PUDP: variants seen among roughly 807,000 people sequenced by gnomAD.
PUDP encodes the protein pseudouridine 5'-phosphatase.
A neutral mutation model predicts 9.4 loss-of-function variants in PUDP; 8 were observed. The ratio of observed to expected loss-of-function variants is 0.85; its 90% CI spans 0.50 to 1.53. The LOEUF (loss-of-function observed/expected upper bound fraction) is 1.53, where lower values mean the gene tolerates loss of function less well. Ranked by LOEUF, PUDP falls within the 40% of genes most tolerant of loss-of-function variation. The pLI is 0.00. For synonymous variants in PUDP, 99 were observed against 80.7 expected, an observed-to-expected ratio of 1.23 and a Z score of -1.22; for missense variants, 188 against 189.7, an observed-to-expected ratio of 0.99 and a Z score of 0.05.
chrX:7,045,078 G>A (rs953062072), downstream of PUDP, among the ~76,000 whole-genome samples: 3 of 112,380 alleles, frequency 2.7e-5, no homozygotes, highest in Admixed American at 2.8e-4. Context: ...TTGGTGGGAG[G>A]TGACTGGATC....
At chrX:6,970,254 G>C (rs749673542) in intron 3 of PUDP, among the ~76,000 whole-genome samples, 31 of 112,438 alleles carry the variant, frequency 2.8e-4, no homozygotes, top group Admixed American at 6.6e-4. Flanking sequence ...AAATCGCTTT[G>C]TAAAATTTTT....
intron 3 of PUDP, among the ~76,000 whole-genome samples, chrX:6,864,964 T>C (rs1254925187): frequency 2.7e-5 from 3 of 111,751 alleles, no homozygotes; most frequent in Non-Finnish European, 5.6e-5. Context: ...AATTAAGATG[T>C]AGATGTTTGG....
chrX:6,989,108 T>C (rs1449451149), intron 1 of PUDP, among the ~76,000 whole-genome samples: 1 of 111,815 alleles, frequency 8.9e-6, no homozygotes, highest in African/African-American at 3.3e-5. Context: ...AAGATACATA[T>C]ACATGCATAT....
rs369908594 is a variant in PUDP at position 6,770,493 on chromosome X, G to GTTTTTGT, written c.*248-64034_*248-64028dup. ...GCCTTGGTTTTTTTGTTTGTTTTTTGTTTTTGTTTTTTGTTTTTTTATGGC... is the reference window on the plus strand; with the variant it reads ...GCCTTGGTTTTTTTGTTTGTTTTTTGTTTTTGTTTTTTGTTTTTTGTTTTTTTATGGC... On this transcript the variant is annotated intron_variant and NMD_transcript_variant, in intron 3 of 3. Coordinates refer to the PUDP transcript ENST00000655425. Among the ~76,000 whole-genome samples the GTTTTTGT allele has an allele frequency of 2.2e-3, 246 of 111,564 alleles. 1 individual carries two copies. Among genetic ancestry groups the GTTTTTGT allele is most frequent in the African/African-American group, 7.7e-3 (236 of 30,824 alleles).
In PUDP at chrX:6,902,073, C is replaced by T. The variant is rs772564429; in HGVS notation, c.*247+75060G>A. On this transcript the variant is annotated intron_variant and NMD_transcript_variant, in intron 3 of 3. Transcript: ENST00000655425. The stretch of plus-strand genomic sequence containing the variant: ...ATTTTTTTGTAAAGATGGCGGGGGG[C>T]GGGGGTCTCACTGTATTGCCCAGGC... Among the ~76,000 whole-genome samples the T allele has an allele frequency of 1.4e-4, 15 of 110,298 alleles. No individual in the cohort carries two copies. In the South Asian group the frequency reaches 4.7e-3, roughly 35 times the overall value.
intron 3 of PUDP, among the ~76,000 whole-genome samples, chrX:6,961,228 C>A (rs1928703577): frequency 1.8e-5 from 2 of 109,560 alleles, no homozygotes; most frequent in South Asian, 8.0e-4. Context: ...GGTGAAACCC[C>A]ATCTCTACAA....
chrX:7,117,003 C>T (rs1453134844), intron 1 of PUDP: 3 of 1,165,540 alleles, frequency 2.6e-6, no homozygotes, highest in African/African-American at 1.8e-5. Flanking sequence ...AGGACTCCCC[C>T]GAAGCAGCTG....
intron 1 of PUDP, among the ~76,000 whole-genome samples, chrX:6,985,165 C>T (rs935385609): frequency 2.7e-5 from 3 of 111,783 alleles, no homozygotes; most frequent in Admixed American, 9.5e-5. Flanking sequence ...AGGGAGAAGG[C>T]CTAGAAATTA....
intron 1 of PUDP, among the ~76,000 whole-genome samples, chrX:7,025,823 C>T: frequency 8.9e-6 from 1 of 112,471 alleles, no homozygotes; most frequent in African/African-American, 3.2e-5. Context: ...ACTATGTCAA[C>T]TTTGAACATT....
intron 3 of PUDP, among the ~76,000 whole-genome samples, chrX:6,956,561 T>C (rs1928631341): frequency 8.9e-6 from 1 of 111,744 alleles, no homozygotes; most frequent in African/African-American, 3.3e-5. Context: ...CTATCTGGGC[T>C]GGAGGTGGTG....
intron 3 of PUDP, among the ~76,000 whole-genome samples, chrX:6,777,406 A>G (rs1925483477): frequency 8.9e-6 from 1 of 111,842 alleles, no homozygotes; most frequent in South Asian, 3.7e-4. Context: ...GACTCCCCCA[A>G]TAGAAATATC....
intron 1 of PUDP, among the ~76,000 whole-genome samples, chrX:7,115,200 G>C (rs1455221165): frequency 8.9e-6 from 1 of 112,276 alleles, no homozygotes; most frequent in Non-Finnish European, 1.9e-5. Flanking sequence ...AAAGAAACAT[G>C]CATCTTGGAA....
chrX:6,738,645 T>A (rs185926143), intron 3 of PUDP, among the ~76,000 whole-genome samples: 34 of 111,856 alleles, frequency 3.0e-4, no homozygotes, highest in African/African-American at 1.0e-3. Context: ...TGGAGACATT[T>A]TGGGTTGCAA....
At chrX:6,982,047 CACACAT>C (rs1354595320) in intron 1 of PUDP, among the ~76,000 whole-genome samples, 3 of 107,289 alleles carry the variant, frequency 2.8e-5, no homozygotes, top group African/African-American at 1.0e-4. Context: ...CACACACACA[CACACAT>C]ACACACACGC....
At chrX:7,142,758 C>T (rs775676560) in intron 1 of PUDP, among the ~76,000 whole-genome samples, 29 of 105,541 alleles carry the variant, frequency 2.7e-4, no homozygotes, top group African/African-American at 9.8e-4. Context: ...GATTCTCGGG[C>T]CTCAGCCTCC....
At chrX:6,896,866 GGTTT>G (rs1005628491) in intron 3 of PUDP, among the ~76,000 whole-genome samples, 14 of 110,876 alleles carry the variant, frequency 1.3e-4, no homozygotes, top group African/African-American at 4.3e-4. Flanking sequence ...CACATTCTGG[GGTTT>G]GTTTGTTTGT....
At chrX:7,107,269 T>G (rs760344629) in intron 1 of PUDP, among the ~76,000 whole-genome samples, 4 of 112,135 alleles carry the variant, frequency 3.6e-5, no homozygotes, top group African/African-American at 1.3e-4. Context: ...CTCAATGGCC[T>G]TTAACTGTCC....
chrX:7,136,001 T>G (rs1309337541), intron 1 of PUDP, among the ~76,000 whole-genome samples: 1 of 111,504 alleles, frequency 9.0e-6, no homozygotes, highest in Non-Finnish European at 1.9e-5. Flanking sequence ...AAAAATGTCT[T>G]TTATAGATTT....
downstream of PUDP, among the ~76,000 whole-genome samples, chrX:7,047,667 T>C (rs1930001425): frequency 8.9e-6 from 1 of 112,284 alleles, no homozygotes; most frequent in Non-Finnish European, 1.9e-5. Flanking sequence ...TAACACTTCA[T>C]TTTCTCTTTT....
Sources: gnomAD v4.1 joint callset for allele counts (sites outside exome capture counted in the v4.1 genomes callset) on GRCh38, gnomAD v4.1.1 for gene constraint, MANE v1.5 for transcripts, NCBI Gene and HGNC (gene_info 2026-07-23, HGNC 2026-07-21) for gene names.